HS3ST3A1: variants seen among roughly 807,000 people sequenced by gnomAD.
HS3ST3A1 encodes the protein heparan sulfate-glucosamine 3-sulfotransferase 3A1.
A neutral mutation model predicts 25.7 loss-of-function variants in HS3ST3A1; 19 were observed. The observed-to-expected ratio is 0.74, with a 90% CI of 0.52 to 1.08. HS3ST3A1 has a LOEUF of 1.08. Among genes scored for constraint, HS3ST3A1 ranks in the 50% least tolerant of loss-of-function variants. HS3ST3A1 has a pLI of 0.00. For missense variants in HS3ST3A1, 459 were observed against 594.3 expected (o/e 0.77, Z 2.37); for synonymous variants, 226 against 278.6 (o/e 0.81, Z 1.88).
At chr17:13,512,162 G>C (rs542155898) in intron 1 of HS3ST3A1, among the ~76,000 whole-genome samples, 1 of 151,978 alleles carries the variant, frequency 6.6e-6, no homozygotes, top group East Asian at 1.9e-4. Context: ...AGCCGGGCGC[G>C]GTGGCGGGCG....
intron 1 of HS3ST3A1, among the ~76,000 whole-genome samples, chr17:13,530,390 C>T (rs575127678): frequency 5.9e-4 from 89 of 152,076 alleles, no homozygotes; most frequent in Non-Finnish European, 9.6e-4. Flanking sequence ...TCCTGACAAA[C>T]GCCAAGCAAG....
chr17:13,543,185 A>G (rs143542857), intron 1 of HS3ST3A1, among the ~76,000 whole-genome samples: 3 of 152,200 alleles, frequency 2.0e-5, no homozygotes, highest in African/African-American at 4.8e-5. Flanking sequence ...TGAAGCGTTC[A>G]TGGAAAACCC....
chr17:13,556,129 T>C (rs940548787), intron 1 of HS3ST3A1: 1 of 152,192 alleles, frequency 6.6e-6, no homozygotes. Context: ...ACAGATATAA[T>C]ACCTTCCCGA....
At chr17:13,528,460 TG>T (rs1391828391) in intron 1 of HS3ST3A1, among the ~76,000 whole-genome samples, 1 of 152,208 alleles carries the variant, frequency 6.6e-6, no homozygotes, top group Non-Finnish European at 1.5e-5. Flanking sequence ...AACAAGGTGG[TG>T]ACACCAAGGC....
At chr17:13,566,137 C>A (rs1442269501) in intron 1 of HS3ST3A1, among the ~76,000 whole-genome samples, 1 of 152,160 alleles carries the variant, frequency 6.6e-6, no homozygotes, top group East Asian at 1.9e-4. Context: ...TCAAGTAAGT[C>A]TATCGGGGTC....
At chr17:13,541,610 G>C (rs1320578452) in intron 1 of HS3ST3A1, among the ~76,000 whole-genome samples, 1 of 152,228 alleles carries the variant, frequency 6.6e-6, no homozygotes, top group East Asian at 1.9e-4. Context: ...CTGCTGAAGA[G>C]TCAGTTCCTA....
chr17:13,496,029 G>T lies in HS3ST3A1; in HGVS notation c.*168C>A, dbSNP rs993285873. ...CCTTTTCTGTTGATCCACGTGTTTG[G>T]TGTTGGTTATACATTAAGATGGGGC... On this transcript the variant is annotated 3_prime_UTR_variant, in exon 2 of 2. Transcript: ENST00000284110. 1 of 779,376 alleles carries T rather than the reference G, an allele frequency of 1.3e-6. No homozygotes were observed. Among genetic ancestry groups the T allele is most frequent in the Non-Finnish European group, 1.9e-6 (1 of 523,006 alleles). 48.3% of individuals were successfully genotyped at this position (779,376 alleles called of 1,614,324 possible). A position where few individuals can be genotyped will look rare whatever the true frequency, so the allele number is the denominator to read the frequency against.
chr17:13,573,673 A>C (rs1272860990), intron 1 of HS3ST3A1, among the ~76,000 whole-genome samples: 2 of 152,180 alleles, frequency 1.3e-5, no homozygotes, highest in Non-Finnish European at 2.9e-5. Context: ...GACTGAGCTC[A>C]ATGTTGAGTG....
rs2051121807 is a variant in HS3ST3A1, at chr17:13,494,773, T to A, written c.*1424A>T. Among the ~76,000 whole-genome samples the A allele has an allele frequency of 6.6e-6, 1 of 152,212 alleles. No homozygotes were observed. The highest frequency in any genetic ancestry group is 1.5e-5 in the Non-Finnish European group (1 of 68,038). ...ACCCACTCAGAGAGGAAAGGAATAC[T>A]GTTAATAAACTATTGATTTATTTGA... On this transcript the variant is annotated 3_prime_UTR_variant, in exon 2 of 2. Coordinates refer to ENST00000284110, the MANE Select transcript of HS3ST3A1 (RefSeq NM_006042.3).
intron 1 of HS3ST3A1, among the ~76,000 whole-genome samples, chr17:13,599,506 G>C (rs917361753): frequency 6.6e-6 from 1 of 152,008 alleles, no homozygotes; most frequent in Non-Finnish European, 1.5e-5. Context: ...AAATAACAAA[G>C]AGAATGCATC....
rs558347658 is a variant in HS3ST3A1, at chr17:13,540,933, G to C, written c.600-44115C>G. Among the ~76,000 whole-genome samples, 4 of 152,248 alleles carry C rather than the reference G, an allele frequency of 2.6e-5. No individual in the cohort carries two copies. The South Asian group carries it at 8.3e-4, about 32-fold the overall frequency. ...ATTTCATTTGAACTAGGAGTTCTAA[G>C]GTCATCAAATATTTGAAAACTACTG... On this transcript the variant is annotated intron_variant, in intron 1 of 1. Coordinates refer to ENST00000284110, the MANE Select transcript of HS3ST3A1 (RefSeq NM_006042.3).
chr17:13,520,618 C>T (rs1453006916), intron 1 of HS3ST3A1, among the ~76,000 whole-genome samples: 1 of 147,770 alleles, frequency 6.8e-6, no homozygotes, highest in African/African-American at 2.5e-5. Flanking sequence ...TTCTTTCTTT[C>T]TTTTTTTTTT....
intron 1 of HS3ST3A1, 98 bp downstream of exon 1, chr17:13,600,433 G>T (rs1908688203): frequency 4.9e-6 from 7 of 1,425,582 alleles, no homozygotes; most frequent in Non-Finnish European, 3.7e-6. Context: ...ATGAAGTGGG[G>T]AGGAGGGCGA....
chr17:13,496,135 T>A lies in HS3ST3A1; in HGVS notation c.*62A>T. Reference sequence around the variant, plus strand: ...AGCACAAATATTAAACTGTCTCTTCTCTACCGATTGGTAAAAAAATATATT... The same window carrying A: ...AGCACAAATATTAAACTGTCTCTTCACTACCGATTGGTAAAAAAATATATT... On this transcript the variant is annotated 3_prime_UTR_variant, in exon 2 of 2. Coordinates refer to ENST00000284110, the MANE Select transcript of HS3ST3A1 (RefSeq NM_006042.3). The A allele has an allele frequency of 7.0e-7, 1 of 1,432,122 alleles. No homozygotes were observed. The highest frequency in any genetic ancestry group is 2.5e-5 in the East Asian group (1 of 39,582). The allele number at this position is 1,432,122 out of a possible 1,614,324, so 88.7% of individuals were successfully genotyped here. A position where few individuals can be genotyped will look rare whatever the true frequency, so the allele number is the denominator to read the frequency against.
intron 1 of HS3ST3A1, among the ~76,000 whole-genome samples, chr17:13,580,548 A>T (rs1347449583): frequency 6.6e-6 from 1 of 152,222 alleles, no homozygotes; most frequent in African/African-American, 2.4e-5. Context: ...AAAGAAAAAC[A>T]TAGTAAAGTA....
At chr17:13,596,457 T>C (rs985248254) in intron 1 of HS3ST3A1, among the ~76,000 whole-genome samples, 1 of 145,764 alleles carries the variant, frequency 6.9e-6, no homozygotes, top group Non-Finnish European at 1.5e-5. Flanking sequence ...ACAGAGGAAC[T>C]AGGCTGATCA....
intron 1 of HS3ST3A1, among the ~76,000 whole-genome samples, chr17:13,586,569 A>G (rs1397469588): frequency 1.3e-5 from 2 of 151,936 alleles, no homozygotes; most frequent in Non-Finnish European, 2.9e-5. Context: ...CAAGTGTAAA[A>G]TGCATACTGG....
chr17:13,574,033 T>C (rs189781190), intron 1 of HS3ST3A1, among the ~76,000 whole-genome samples: 12 of 152,230 alleles, frequency 7.9e-5, no homozygotes, highest in Non-Finnish European at 1.3e-4. Flanking sequence ...GGTATTCTGT[T>C]ACAGCAGATA....
chr17:13,538,229 C>A (rs1370895192), intron 1 of HS3ST3A1, among the ~76,000 whole-genome samples: 1 of 152,118 alleles, frequency 6.6e-6, no homozygotes. Flanking sequence ...CTGGGATAAA[C>A]CCTTTGTGTT....
Sources: gnomAD v4.1 joint callset for allele counts (sites outside exome capture counted in the v4.1 genomes callset) on GRCh38, gnomAD v4.1.1 for gene constraint, MANE v1.5 for transcripts, NCBI Gene and HGNC (gene_info 2026-07-23, HGNC 2026-07-21) for gene names.